Variants in DMXL2 observed in about 807,000 individuals in gnomAD.
The protein encoded by DMXL2 is Dmx like 2, also known as dmX-like protein 2.
In DMXL2, 103 loss-of-function variants were observed where a neutral mutation model predicts 331.1. The ratio of observed to expected loss-of-function variants is 0.31; its 90% CI spans 0.27 to 0.37. The LOEUF (loss-of-function observed/expected upper bound fraction) is 0.37, where lower values mean the gene tolerates loss of function less well. DMXL2 is among the 10% of genes least tolerant of loss of function. The pLI is 1.00. For synonymous variants in DMXL2, 1,281 were observed against 1,252.1 expected (o/e 1.02, Z -0.49); for missense variants, 3,171 against 3,642.9 (o/e 0.87, Z 3.33).
intron 41 of DMXL2, among the ~76,000 whole-genome samples, chr15:51,452,357 A>C (rs1422069363): frequency 6.6e-6 from 1 of 152,202 alleles, no homozygotes; most frequent in Admixed American, 6.5e-5. Flanking sequence ...GAGAAAATAC[A>C]ATGTATATAT....
intron 1 of DMXL2, among the ~76,000 whole-genome samples, chr15:51,601,427 T>C (rs929717832): frequency 8.5e-5 from 13 of 152,180 alleles, no homozygotes; most frequent in African/African-American, 2.2e-4. Context: ...ATCTCTAATC[T>C]ACTTGGAGTT....
chr15:51,460,802 A>C (rs979587634), intron 33 of DMXL2, among the ~76,000 whole-genome samples: 1 of 152,180 alleles, frequency 6.6e-6, no homozygotes. Context: ...TAACAGCCTT[A>C]ATGTTTTATT....
intron 1 of DMXL2, among the ~76,000 whole-genome samples, chr15:51,609,332 T>C (rs2053800353): frequency 6.6e-6 from 1 of 152,228 alleles, no homozygotes; most frequent in Non-Finnish European, 1.5e-5. Flanking sequence ...AAAGTTCTAG[T>C]GAACACAGAA....
intron 16 of DMXL2, among the ~76,000 whole-genome samples, chr15:51,504,973 A>C (rs2043952213): frequency 6.6e-6 from 1 of 152,242 alleles, no homozygotes; most frequent in Admixed American, 6.5e-5. Flanking sequence ...TTTGAAACTT[A>C]GTTCTGTGAC....
chr15:51,483,277 C>T (rs2042149875), intron 23 of DMXL2, among the ~76,000 whole-genome samples: 2 of 152,202 alleles, frequency 1.3e-5, no homozygotes, highest in Admixed American at 1.3e-4. Flanking sequence ...TATCTTGAGA[C>T]CAGTCACCTC....
intron 2 of DMXL2, among the ~76,000 whole-genome samples, chr15:51,574,099 C>A (rs1373476341): frequency 1.3e-5 from 2 of 151,846 alleles, no homozygotes; most frequent in Non-Finnish European, 2.9e-5. Flanking sequence ...GGAAGGAATA[C>A]AAAAAACAGG....
intron 13 of DMXL2, among the ~76,000 whole-genome samples, chr15:51,527,454 C>T (rs559801996): frequency 3.3e-5 from 5 of 152,140 alleles, no homozygotes; most frequent in South Asian, 4.1e-4. Flanking sequence ...CTGGGCCAGG[C>T]GTGGTGGCTC....
At chr15:51,473,845 T>TA (rs2041335332) in intron 28 of DMXL2, among the ~76,000 whole-genome samples, 1 of 152,110 alleles carries the variant, frequency 6.6e-6, no homozygotes, top group Non-Finnish European at 1.5e-5. Flanking sequence ...TTTTGGAGAA[T>TA]AAAAAAATAG....
At chr15:51,603,113 G>A (rs909319567) in intron 1 of DMXL2, among the ~76,000 whole-genome samples, 1 of 151,812 alleles carries the variant, frequency 6.6e-6, no homozygotes, top group Non-Finnish European at 1.5e-5. Flanking sequence ...TCACATAGAA[G>A]GCAGGAAACA....
At position 51,458,841 on chromosome 15, in the gene DMXL2, A is replaced by G. The variant is rs766843196; in HGVS notation, c.7990-46T>C. ...GTTTTAGTTGCTGCAGCACAGCTCT[A>G]TTTAGAGTTATGCACATCCCATAAG... On this transcript the variant is annotated intron_variant, in intron 34 of 43. Coordinates refer to ENST00000560891, the MANE Select transcript of DMXL2 (RefSeq NM_001378457.1). 1.1e-5 allele frequency: 16 copies of G among 1,479,048 alleles called. No homozygotes were observed. The South Asian group carries it at 1.8e-4, about 17-fold the overall frequency. The allele number at this position is 1,479,048 out of a possible 1,614,324, so 91.6% of individuals were successfully genotyped here. A position where few individuals can be genotyped will look rare whatever the true frequency, so the allele number is the denominator to read the frequency against.
intron 1 of DMXL2, among the ~76,000 whole-genome samples, chr15:51,587,214 A>T (rs975186785): frequency 3.3e-5 from 5 of 152,260 alleles, no homozygotes; most frequent in Admixed American, 6.5e-5. Context: ...CATGTGCACA[A>T]CGTGCAGGTT....
intron 2 of DMXL2, among the ~76,000 whole-genome samples, chr15:51,569,148 C>T (rs996027954): frequency 1.3e-5 from 2 of 152,178 alleles, no homozygotes; most frequent in South Asian, 2.1e-4. Flanking sequence ...TCTGGTTCAG[C>T]GGGTCCCACC....
intron 1 of DMXL2, among the ~76,000 whole-genome samples, chr15:51,608,052 G>A (rs1333100179): frequency 6.6e-6 from 1 of 152,076 alleles, no homozygotes; most frequent in Non-Finnish European, 1.5e-5. Context: ...AGATGTGGTG[G>A]TGCGCACCTG....
At chr15:51,588,729 A>T (rs2052053808) in intron 1 of DMXL2, among the ~76,000 whole-genome samples, 1 of 152,248 alleles carries the variant, frequency 6.6e-6, no homozygotes, top group Non-Finnish European at 1.5e-5. Flanking sequence ...TTATACTATT[A>T]AACTGTAATT....
At chr15:51,515,878 T>C (rs2047009442) in intron 14 of DMXL2, among the ~76,000 whole-genome samples, 1 of 152,162 alleles carries the variant, frequency 6.6e-6, no homozygotes, top group Non-Finnish European at 1.5e-5. Context: ...CCCACTCTTC[T>C]ACATTCCTAT....
chr15:51,474,518 C>T lies in DMXL2; in HGVS notation c.7039G>A (p.Glu2347Lys). The T allele has an allele frequency of 6.2e-7, 1 of 1,614,128 alleles. No homozygotes were observed. The highest frequency in any genetic ancestry group is 8.5e-7 in the Non-Finnish European group (1 of 1,179,996). Residue 2347 changes from glutamate (E) to lysine (K), a missense_variant, in exon 28 of 44, where the codon GAA (glutamate) becomes AAA (lysine). Physicochemically the swap from Glu to Lys is moderately conservative, Grantham distance 56 (BLOSUM62 1). Coordinates refer to ENST00000560891, the MANE Select transcript of DMXL2 (RefSeq NM_001378457.1). ...DQPKLNILLC[E>K]AVVAVYLSLL... ...CTTAAGTAAACAGCAACAACAGCTT[C>T]ACATAGCAAAATGTTCAGTTTTGGC...
At chr15:51,462,583 C>T (rs142200951) in intron 33 of DMXL2, among the ~76,000 whole-genome samples, 1,965 of 152,148 alleles carry the variant, frequency 0.013, 36 homozygotes, top group East Asian at 0.065. Flanking sequence ...GTGATCTGCC[C>T]GCCTCGGCCT....
Position 51,499,666 on chromosome 15 carries a change from T to A in DMXL2, c.3558A>T (p.Gly1186=). 1 of 1,614,026 alleles carries A rather than the reference T, an allele frequency of 6.2e-7. No individual in the cohort carries two copies. Among genetic ancestry groups the A allele is most frequent in the Non-Finnish European group, 8.5e-7 (1 of 1,180,010 alleles). The change falls in exon 18 of 44, where the codon GGA becomes GGT. Residue 1186 remains glycine, a synonymous_variant. Coordinates refer to ENST00000560891, the MANE Select transcript of DMXL2 (RefSeq NM_001378457.1). ...KEDGSHILTV[G]VGANIFMYGR... ...CATACATGAAGATATTCGCACCGAC[T>A]CCCACTGTAAGAATGTGGGAGCCAT...
intron 6 of DMXL2, among the ~76,000 whole-genome samples, chr15:51,557,458 C>T (rs2049673701): frequency 6.6e-6 from 1 of 151,800 alleles, no homozygotes; most frequent in Admixed American, 6.6e-5. Flanking sequence ...CCCAAACTGA[C>T]CTACACAGTC....
Sources: allele counts gnomAD v4.1 joint callset (sites outside exome capture counted in the v4.1 genomes callset), GRCh38; gene constraint gnomAD v4.1.1; transcripts MANE v1.5; gene names NCBI Gene and HGNC (gene_info 2026-07-23, HGNC 2026-07-21).